TMEM8B: variants seen among roughly 807,000 people sequenced by gnomAD.
TMEM8B encodes nasopharyngeal carcinoma expressed 6.
TMEM8B carries 29 observed loss-of-function variants against 49.3 expected under a neutral mutation model. That is an observed-to-expected ratio of 0.59 (90% CI 0.44 to 0.80). The LOEUF (loss-of-function observed/expected upper bound fraction) is 0.80, where lower values mean the gene tolerates loss of function less well. TMEM8B is among the 30% of genes least tolerant of loss of function. TMEM8B has a pLI of 0.00. For missense variants in TMEM8B, 575 were observed against 658.5 expected (o/e 0.87, Z 1.39); for synonymous variants, 264 against 272.8 (o/e 0.97, Z 0.32).
chr9:35,845,263 A>G (rs1159804140), intron 6 of TMEM8B: 1 of 388,514 alleles, frequency 2.6e-6, no homozygotes, highest in African/African-American at 2.2e-5. Context: ...AGGCAGTATC[A>G]AATATATGGC....
chr9:35,846,761 C>T, intron 9 of TMEM8B, 56 bp from the exon 10 acceptor site: 3 of 1,564,082 alleles, frequency 1.9e-6, no homozygotes, highest in Middle Eastern at 2.0e-4. Flanking sequence ...CAAGCTGTGG[C>T]GTAGGCCCAT....
rs761054150 is a variant in TMEM8B, at chr9:35,842,485, CG to C, written c.1404del (p.Pro469HisfsTer57). On this transcript the variant is annotated frameshift_variant, in exon 6 of 13. Coordinates refer to ENST00000643932, the MANE Select transcript of TMEM8B (RefSeq NM_001042590.4). LOFTEE classifies it high-confidence loss of function. The surrounding 1 kb of genome is among the most constrained non-coding windows in gnomAD (Gnocchi z 5.6). ...GGCAACCAGCCACTGCCCCCAGAACCGCCATCCCTTGGAACCCCTGCGGAGG... is the reference window on the plus strand; with the variant it reads ...GGCAACCAGCCACTGCCCCCAGAACCCCATCCCTTGGAACCCCTGCGGAGG... ...SLGNQPLPPE[P>X]PSLGTPAEGP... 1 of 1,602,138 alleles carries C rather than the reference CG, an allele frequency of 6.2e-7. No homozygotes were observed.
chr9:35,835,775 T>C (rs914371913), intron 3 of TMEM8B, among the ~76,000 whole-genome samples: 2 of 152,242 alleles, frequency 1.3e-5, no homozygotes, highest in Non-Finnish European at 2.9e-5. Flanking sequence ...CTAGTGTCCA[T>C]CCTGGCCTTT....
At chr9:35,849,139 G>C (rs1307130693) in intron 10 of TMEM8B, among the ~76,000 whole-genome samples, 1 of 152,046 alleles carries the variant, frequency 6.6e-6, no homozygotes, top group Non-Finnish European at 1.5e-5. Flanking sequence ...GCCATTCGTA[G>C]ACTTATTTCA....
In TMEM8B at chr9:35,846,393, G is replaced by A. The variant is rs762113451; in HGVS notation, c.1853+12G>A. On this transcript the variant is annotated intron_variant, in intron 8 of 12. Transcript: ENST00000643932. The stretch of plus-strand genomic sequence containing the variant: ...GGGGTGGGGCCTCGGTGAGCGGTGC[G>A]GGGCGGGGCCAGGGCTGGGACCGGG... 1.9e-6 allele frequency: 3 copies of A among 1,609,150 alleles called. No homozygotes were observed. In the African/African-American group the frequency reaches 4.0e-5, roughly 21 times the overall value.
chr9:35,830,057 T>C (rs1043343618), intron 1 of TMEM8B, 102 bp downstream of exon 1: 9 of 406,580 alleles, frequency 2.2e-5, no homozygotes, highest in Admixed American at 8.8e-5. Flanking sequence ...AACTAGATCA[T>C]TGGGGAGCAA....
rs1832557614 is a variant in TMEM8B, at chr9:35,856,732, G to C, written c.*2892G>C. On this transcript the variant is annotated 3_prime_UTR_variant, in exon 13 of 13. Coordinates refer to ENST00000643932, the MANE Select transcript of TMEM8B (RefSeq NM_001042590.4). ...TTTAGGACTTGGTGACTGATTGGGTGTGTGGGGTGGTGAGGTATGAGAGAG... is the reference window on the plus strand; with the variant it reads ...TTTAGGACTTGGTGACTGATTGGGTCTGTGGGGTGGTGAGGTATGAGAGAG... 6.6e-6 allele frequency: 1 copy of C among 152,344 alleles called. No homozygotes were observed. The highest frequency in any genetic ancestry group is 1.9e-4 in the East Asian group (1 of 5,198). 9.4% of individuals were successfully genotyped at this position (152,344 alleles called of 1,614,324 possible). A position where few individuals can be genotyped will look rare whatever the true frequency, so the allele number is the denominator to read the frequency against.
At chr9:35,834,031 TACAC>T (rs377460934) in intron 1 of TMEM8B, among the ~76,000 whole-genome samples, 4,440 of 138,384 alleles carry the variant, frequency 0.032, 132 homozygotes, top group African/African-American at 0.077. Flanking sequence ...CATGCCAAAA[TACAC>T]ACACACACAC....
Position 35,854,049 on chromosome 9 carries a change from CT to C in TMEM8B, c.*211del, listed in dbSNP as rs1832399375. 3.9e-6 allele frequency: 5 copies of C among 1,289,562 alleles called. No homozygotes were observed. The highest frequency in any genetic ancestry group is 3.6e-5 in the Admixed American group (1 of 27,448). The allele number at this position is 1,289,562 out of a possible 1,614,324, so 79.9% of individuals were successfully genotyped here. A position where few individuals can be genotyped will look rare whatever the true frequency, so the allele number is the denominator to read the frequency against. On this transcript the variant is annotated 3_prime_UTR_variant, in exon 13 of 13. Coordinates refer to ENST00000643932, the MANE Select transcript of TMEM8B (RefSeq NM_001042590.4). The stretch of plus-strand genomic sequence containing the variant: ...TGGAGTCCCCCTGCATCATGGAGTC[CT>C]TCTTAAGGACTGGAGCCTATGCAGG...
chr9:35,842,524 C>G lies in TMEM8B; in HGVS notation c.1442C>G (p.Thr481Arg). 6.2e-7 allele frequency: 1 copy of G among 1,613,794 alleles called. No individual in the cohort carries two copies. The highest frequency in any genetic ancestry group is 8.5e-7 in the Non-Finnish European group (1 of 1,179,844). Residue 481 changes from threonine to arginine, a missense_variant, in exon 6 of 13, where the codon ACG becomes AGG. Physicochemically the swap from Thr to Arg is moderately conservative, Grantham distance 71. Coordinates refer to ENST00000643932, the MANE Select transcript of TMEM8B (RefSeq NM_001042590.4). This position sits in a 1 kb window ranked among gnomAD's most constrained non-coding sequence, Gnocchi z 5.6. ...LGTPAEGPGT[T>R]SPPEHCWPVR... is the part of the protein sequence containing the mutation. ...ACCCCTGCGGAGGGGCCTGGGACCA[C>G]GTCCCCACCCGAGCACTGCTGGCCA...
intron 1 of TMEM8B, chr9:35,833,425 G>A: frequency 4.2e-6 from 4 of 944,380 alleles, no homozygotes; most frequent in Non-Finnish European, 5.0e-6. Flanking sequence ...GACCTTGCCT[G>A]CCATTTGGGA....
At chr9:35,843,227 C>CTTAA (rs1831197537) in intron 6 of TMEM8B, among the ~76,000 whole-genome samples, 1 of 152,170 alleles carries the variant, frequency 6.6e-6, no homozygotes, top group African/African-American at 2.4e-5. Context: ...AAGCAACAGA[C>CTTAA]TTAATTTTTT....
At position 35,846,968 on chromosome 9, in the gene TMEM8B, C is replaced by G. The variant is rs1831658405; in HGVS notation, c.2148C>G (p.Val716=). ...IRSRYVLEAA[V]YTFTMFFSTF... ...GTCGATATGTGCTGGAAGCTGCAGT[C>G]TACACCTTCACCATGTTCTTCTCCA... Residue 716 remains valine (V), a synonymous_variant, in exon 10 of 13, where the codon GTC becomes GTG. Coordinates refer to ENST00000643932, the MANE Select transcript of TMEM8B (RefSeq NM_001042590.4). 1.9e-6 allele frequency: 3 copies of G among 1,614,136 alleles called. No individual in the cohort carries two copies. In the South Asian group the frequency reaches 3.3e-5, roughly 18 times the overall value.
chr9:35,846,457 G>A lies in TMEM8B; in HGVS notation c.1854-12G>A. On this transcript the variant is annotated splice_polypyrimidine_tract_variant and intron_variant, in intron 8 of 12. Transcript: ENST00000643932. ...GGCCCGGGGCCCCAGGTGACTGCGA[G>A]TTTGTGCGCAGGTTCGTGCGGTGCC... The A allele has an allele frequency of 6.3e-7, 1 of 1,597,754 alleles. No homozygotes were observed. The highest frequency in any genetic ancestry group is 2.3e-5 in the East Asian group (1 of 44,370).
rs967204021 is a variant in TMEM8B at position 35,856,914 on chromosome 9, G to A, written c.*3074G>A. On this transcript the variant is annotated 3_prime_UTR_variant, in exon 13 of 13. Coordinates refer to ENST00000643932, the MANE Select transcript of TMEM8B (RefSeq NM_001042590.4). Reference sequence around the variant, plus strand: ...AGGGGGCCAGCAATATGACAGTGCTGGACGTAGCCGCTGAACCAGGCCTGT... The same window carrying A: ...AGGGGGCCAGCAATATGACAGTGCTAGACGTAGCCGCTGAACCAGGCCTGT... 1 of 152,216 alleles carries A rather than the reference G, an allele frequency of 6.6e-6. No homozygotes were observed. The highest frequency in any genetic ancestry group is 1.5e-5 in the Non-Finnish European group (1 of 68,048). The allele number at this position is 152,216 out of a possible 1,614,324, so 9.4% of individuals were successfully genotyped here. A position where few individuals can be genotyped will look rare whatever the true frequency, so the allele number is the denominator to read the frequency against.
At chr9:35,840,259 AG>A (rs1830840372) in intron 3 of TMEM8B, among the ~76,000 whole-genome samples, 1 of 152,198 alleles carries the variant, frequency 6.6e-6, no homozygotes, top group Non-Finnish European at 1.5e-5. Context: ...TAGCAGCAGA[AG>A]AAACACAGTC....
chr9:35,847,681 T>C (rs1011561378), intron 10 of TMEM8B, among the ~76,000 whole-genome samples: 3 of 152,200 alleles, frequency 2.0e-5, no homozygotes, highest in African/African-American at 7.2e-5. Flanking sequence ...GGCAGTGTCA[T>C]ATCACATCCC....
rs1832301183 is a variant in TMEM8B, at chr9:35,853,104, C to T, written c.2323-37C>T. On this transcript the variant is annotated intron_variant, in intron 11 of 12. Coordinates refer to ENST00000643932, the MANE Select transcript of TMEM8B (RefSeq NM_001042590.4). The surrounding 1 kb of genome is among the most constrained non-coding windows in gnomAD (Gnocchi z 4.2). ...CCAGGCCCTGGAGTGCTGTCTGTCA[C>T]CTGGCCCTAGCCCAGCCCTTGAGTC... 1.2e-6 allele frequency: 2 copies of T among 1,610,054 alleles called. No individual in the cohort carries two copies. Among genetic ancestry groups the T allele is most frequent in the Middle Eastern group, 1.7e-4 (1 of 6,054 alleles).
intron 1 of TMEM8B, among the ~76,000 whole-genome samples, chr9:35,832,208 T>C (rs1220677065): frequency 1.3e-5 from 2 of 151,918 alleles, no homozygotes; most frequent in African/African-American, 2.4e-5. Flanking sequence ...TGTATGTGTA[T>C]GTGTGTATGG....
Sources: allele counts gnomAD v4.1 joint callset (sites outside exome capture counted in the v4.1 genomes callset), GRCh38; gene constraint gnomAD v4.1.1; non-coding constraint Gnocchi (gnomAD v3.1); transcripts MANE v1.5; gene names NCBI Gene and HGNC (gene_info 2026-07-23, HGNC 2026-07-21).